The following GLB1L3 variants were observed in gnomAD, a reference collection of about 807,000 sequenced individuals.
The protein encoded by GLB1L3 is beta-galactosidase-1-like protein 3.
In GLB1L3, 89 loss-of-function variants were observed where a neutral mutation model predicts 89.5. The ratio of observed to expected loss-of-function variants is 0.99; its 90% CI spans 0.84 to 1.19. The LOEUF (loss-of-function observed/expected upper bound fraction) is 1.19. Ranked by LOEUF, GLB1L3 falls within the 50% of genes most tolerant of loss-of-function variation. GLB1L3 has a pLI of 0.00. For missense variants in GLB1L3, 812 were observed against 813.3 expected (o/e 1.00, Z 0.02); for synonymous variants, 314 against 312.3 (o/e 1.01, Z -0.06).
chr11:134,291,335 A>C (rs1313184774), intron 7 of GLB1L3, among the ~76,000 whole-genome samples: 1 of 146,680 alleles, frequency 6.8e-6, no homozygotes. Flanking sequence ...ATCTCGGTTC[A>C]TTGCAACCTC....
chr11:134,283,502 G>A (rs566669677), intron 5 of GLB1L3, among the ~76,000 whole-genome samples: 6 of 152,330 alleles, frequency 3.9e-5, no homozygotes, highest in Admixed American at 3.3e-4. Context: ...AGGCCTTTCC[G>A]AAGTTGTGAA....
chr11:134,311,112 C>G lies in GLB1L3; in HGVS notation c.1229C>G (p.Pro410Arg). ...VPKLPPKAVY[P>R]PVRPSLYLPL... ...AAACTTCCTCCCAAGGCTGTGTATCCCCCCGTGAGACCGTCGCTGTACCTC... is the reference window on the plus strand; with the variant it reads ...AAACTTCCTCCCAAGGCTGTGTATCGCCCCGTGAGACCGTCGCTGTACCTC... The change falls in exon 13 of 20, where the codon CCC becomes CGC. Residue 410 changes from proline (P) to arginine (R), a missense_variant. Physicochemically the swap from Pro to Arg is moderately radical, Grantham distance 103. This residue lies in a region of GLB1L3 where 618 missense variants were observed against 604.0 expected (regional missense o/e 1.02). Transcript: ENST00000431683. 6.2e-7 allele frequency: 1 copy of G among 1,613,876 alleles called. No individual in the cohort carries two copies. Among genetic ancestry groups the G allele is most frequent in the Non-Finnish European group, 8.5e-7 (1 of 1,179,848 alleles).
rs1474154676 is a variant in GLB1L3 at position 134,292,169 on chromosome 11, C to T, written c.767C>T (p.Thr256Ile). Residue 256 changes from threonine (T) to isoleucine (I), a missense_variant, in exon 8 of 20, where the codon ACC becomes ATC. Transcript: ENST00000431683. ...AGAGGGATTGTGGAGCTTCTCTTGA[C>T]CTCTGATGGTGAGAAACATGTGCTG... is the stretch of plus-strand genomic sequence containing the variant. ...LRRGIVELLL[T>I]SDGEKHVLSG... 1.2e-6 allele frequency: 2 copies of T among 1,613,618 alleles called. No individual in the cohort carries two copies. Among genetic ancestry groups the T allele is most frequent in the Non-Finnish European group, 1.7e-6 (2 of 1,179,764 alleles).
intron 7 of GLB1L3, among the ~76,000 whole-genome samples, chr11:134,290,577 G>GC (rs1407620531): frequency 3.1e-5 from 4 of 129,566 alleles, no homozygotes; most frequent in Non-Finnish European, 6.3e-5. Context: ...GTCCCCCCCC[G>GC]CCAAAAAAAA....
chr11:134,306,126 T>C (rs994866534), intron 9 of GLB1L3, among the ~76,000 whole-genome samples: 7 of 152,064 alleles, frequency 4.6e-5, no homozygotes, highest in African/African-American at 1.7e-4. Flanking sequence ...GCACAGTAAG[T>C]GATGAAAAAG....
In GLB1L3 at chr11:134,281,392, C is replaced by T. The variant is rs532518715; in HGVS notation, c.378C>T (p.Asn126=). The stretch of plus-strand genomic sequence containing the variant: ...CCTCTTCTAGCTATGTTCCGTGGAA[C>T]CTGCATGAGCCAGAAAGAGGCAAAT... ...FNTVTTYVPW[N]LHEPERGKFD... Residue 126 remains asparagine (N), a synonymous_variant, in exon 4 of 20, where the codon AAC becomes AAT. Coordinates refer to ENST00000431683, the MANE Select transcript of GLB1L3 (RefSeq NM_001080407.3). 23 of 1,614,166 alleles carry T rather than the reference C, an allele frequency of 1.4e-5. No individual in the cohort carries two copies. In the East Asian group the frequency reaches 3.6e-4, roughly 25 times the overall value.
chr11:134,293,309 C>T, intron 9 of GLB1L3, 100 bp downstream of exon 9: 1 of 1,032,974 alleles, frequency 9.7e-7, no homozygotes, highest in Non-Finnish European at 1.4e-6. Context: ...GACAAGAAGA[C>T]CGCAGGTTTT....
intron 10 of GLB1L3, among the ~76,000 whole-genome samples, chr11:134,307,504 T>C (rs1394594540): frequency 6.6e-6 from 1 of 152,136 alleles, no homozygotes; most frequent in Admixed American, 6.5e-5. Flanking sequence ...GGTGCAGTGA[T>C]AGAAAAGACA....
intron 7 of GLB1L3, among the ~76,000 whole-genome samples, chr11:134,289,691 T>A (rs927336354): frequency 6.6e-6 from 1 of 152,216 alleles, no homozygotes; most frequent in African/African-American, 2.4e-5. Flanking sequence ...GATGGGACTC[T>A]CAGCTTGAAG....
At chr11:134,318,829 C>G in intron 19 of GLB1L3, 48 bp from the exon 20 acceptor site, 2 of 1,566,334 alleles carry the variant, frequency 1.3e-6, no homozygotes, top group Non-Finnish European at 1.8e-6. Context: ...TCAACCTGTA[C>G]TAAATAGGCT....
At chr11:134,277,954 A>T (rs1471998831) in intron 3 of GLB1L3, 42 bp downstream of exon 3, 1 of 1,597,792 alleles carries the variant, frequency 6.3e-7, no homozygotes. Flanking sequence ...GTTACCCTAC[A>T]AGTGCATCCT....
chr11:134,313,011 G>A (rs1942818689), intron 15 of GLB1L3, 124 bp downstream of exon 15: 1 of 759,222 alleles, frequency 1.3e-6, no homozygotes, highest in African/African-American at 1.7e-5. Flanking sequence ...ACCTGGGGCG[G>A]CGGCAGGAAG....
intron 6 of GLB1L3, among the ~76,000 whole-genome samples, chr11:134,287,669 G>A (rs1389132960): frequency 6.6e-6 from 1 of 152,206 alleles, no homozygotes; most frequent in Non-Finnish European, 1.5e-5. Flanking sequence ...TGAGCGCCAG[G>A]GCCTGTGTGG....
chr11:134,323,707 C>T (rs960296290), downstream of GLB1L3, among the ~76,000 whole-genome samples: 1 of 152,184 alleles, frequency 6.6e-6, no homozygotes, highest in African/African-American at 2.4e-5. Context: ...TTTACTTCTT[C>T]AGCACATTCC....
intron 9 of GLB1L3, among the ~76,000 whole-genome samples, chr11:134,306,902 A>T (rs1424057862): frequency 6.6e-6 from 1 of 152,236 alleles, no homozygotes; most frequent in Non-Finnish European, 1.5e-5. Flanking sequence ...AGGGAGGCAC[A>T]TGAAGCTGGA....
intron 10 of GLB1L3, among the ~76,000 whole-genome samples, chr11:134,308,504 A>ATGT (rs1942494019): frequency 3.2e-4 from 2 of 6,200 alleles, no homozygotes; most frequent in Non-Finnish European, 6.1e-4. Flanking sequence ...ACCAAATACC[A>ATGT]CCACCACCAC....
At chr11:134,312,312 G>C in intron 13 of GLB1L3, 37 bp from the exon 14 acceptor site, 1 of 1,607,950 alleles carries the variant, frequency 6.2e-7, no homozygotes. Context: ...TGACTGCTCA[G>C]CCCTTGGACT....
At chr11:134,312,217 G>C (rs1237412107) in intron 13 of GLB1L3, 132 bp from the exon 14 acceptor site, 8 of 972,190 alleles carry the variant, frequency 8.2e-6, no homozygotes, top group African/African-American at 1.6e-5. Context: ...GTGTCACATG[G>C]CATCTGTTTC....
At chr11:134,303,552 G>C (rs1386176095) in intron 9 of GLB1L3, among the ~76,000 whole-genome samples, 1 of 152,082 alleles carries the variant, frequency 6.6e-6, no homozygotes, top group Non-Finnish European at 1.5e-5. Flanking sequence ...TGTAAGTACT[G>C]AGTCCCCTGC....
Sources: gnomAD v4.1 joint callset for allele counts (sites outside exome capture counted in the v4.1 genomes callset) on GRCh38, gnomAD v4.1.1 for gene constraint, gnomAD v4.1.1 regional missense constraint, MANE v1.5 for transcripts, NCBI Gene and HGNC (gene_info 2026-07-23, HGNC 2026-07-21) for gene names.